The following FUT8 variants were observed in gnomAD, a reference collection of about 807,000 sequenced individuals.
FUT8 encodes the protein fucosyltransferase 8, also known as alpha-(1,6)-fucosyltransferase.
A neutral mutation model predicts 71.3 loss-of-function variants in FUT8; 29 were observed. That is an observed-to-expected ratio of 0.41 (90% CI 0.30 to 0.55). FUT8 has a LOEUF of 0.55. Among genes scored for constraint, FUT8 ranks in the 20% least tolerant of loss-of-function variants. FUT8 has a pLI of 0.34. For missense variants in FUT8, 544 were observed against 702.1 expected, an observed-to-expected ratio of 0.77 and a Z score of 2.55; for synonymous variants, 254 against 239.3, an observed-to-expected ratio of 1.06 and a Z score of -0.57.
At chr14:65,454,120 C>T (rs910755017) in intron 1 of FUT8, among the ~76,000 whole-genome samples, 7 of 152,154 alleles carry the variant, frequency 4.6e-5, no homozygotes, top group African/African-American at 9.7e-5. Context: ...AATCTGTTAC[C>T]AGTTATTCCA....
At chr14:65,678,407 A>G (rs1892870906) in intron 7 of FUT8, among the ~76,000 whole-genome samples, 1 of 152,218 alleles carries the variant, frequency 6.6e-6, no homozygotes, top group African/African-American at 2.4e-5. Flanking sequence ...CATCAAAAAT[A>G]TGCTCCTAAT....
chr14:65,669,400 C>T lies in FUT8; in HGVS notation c.755C>T (p.Thr252Ile), dbSNP rs1224769677. 12 of 1,613,762 alleles carry T rather than the reference C, an allele frequency of 7.4e-6. No homozygotes were observed. Among genetic ancestry groups the T allele is most frequent in the Non-Finnish European group, 1.0e-5 (12 of 1,179,830 alleles). Residue 252 changes from threonine to isoleucine, a missense_variant, in exon 7 of 11, where the codon ACT (threonine) becomes ATT (isoleucine). Physicochemically the swap from Thr to Ile is moderately conservative, Grantham distance 89. Coordinates refer to ENST00000673929, the MANE Select transcript of FUT8 (RefSeq NM_001371533.1). The surrounding 1 kb of genome is among the most constrained non-coding windows in gnomAD (Gnocchi z 4.5). Reference sequence around the variant, plus strand: ...GAATCTCAGAATTGGCGCTATGCTACTGGTGGATGGGAGACTGTATTTAGG... The same window carrying T: ...GAATCTCAGAATTGGCGCTATGCTATTGGTGGATGGGAGACTGTATTTAGG... ...ILESQNWRYA[T>I]GGWETVFRPV...
intron 5 of FUT8, among the ~76,000 whole-genome samples, chr14:65,625,717 C>T (rs898411556): frequency 6.6e-6 from 1 of 152,174 alleles, no homozygotes; most frequent in Non-Finnish European, 1.5e-5. Context: ...TCCAAAGCAT[C>T]GTTCAAAGTT....
At chr14:65,567,993 C>T (rs924548079) in intron 3 of FUT8, among the ~76,000 whole-genome samples, 5 of 151,736 alleles carry the variant, frequency 3.3e-5, no homozygotes, top group Non-Finnish European at 7.4e-5. Flanking sequence ...TATTATAATT[C>T]TACCAGTGAA....
In FUT8 at chr14:65,593,109, C is replaced by G. The variant is rs35422847; in HGVS notation, c.204-22869C>G. ...AGGCTCTAATGATGTTTATAATCCC[C>G]AACATAATTCTATAGGATTTCCAGT... is the stretch of plus-strand genomic sequence containing the variant. On this transcript the variant is annotated intron_variant, in intron 3 of 10. Transcript: ENST00000673929. Among the ~76,000 whole-genome samples, 1,107 of 152,214 alleles carry G rather than the reference C, an allele frequency of 7.3e-3. 10 individuals are homozygous for G. The highest frequency in any genetic ancestry group is 0.012 in the Non-Finnish European group (807 of 68,006).
chr14:65,604,334 G>T lies in FUT8; in HGVS notation c.204-11644G>T, dbSNP rs543453608. 1.3e-5 allele frequency among the ~76,000 whole-genome samples: 2 copies of T among 151,716 alleles called. 1 individual carries two copies. Among genetic ancestry groups the T allele is most frequent in the African/African-American group, 4.8e-5 (2 of 41,370 alleles). ...ATCAGCGCATGGAACTTTCTCCAAG[G>T]TAGACCATTTGATAGGCCACAAAAC... On this transcript the variant is annotated intron_variant, in intron 3 of 10. Transcript: ENST00000673929.
chr14:65,590,922 A>G (rs193189764), intron 3 of FUT8, among the ~76,000 whole-genome samples: 93 of 152,258 alleles, frequency 6.1e-4, no homozygotes, highest in African/African-American at 2.1e-3. Context: ...TTGTCATTTC[A>G]TTGTTGGGGA....
At chr14:65,633,723 G>A (rs1890353728) in intron 6 of FUT8, among the ~76,000 whole-genome samples, 1 of 151,814 alleles carries the variant, frequency 6.6e-6, no homozygotes, top group Non-Finnish European at 1.5e-5. Flanking sequence ...CATCTGAGAA[G>A]TGAGGAGACC....
intron 10 of FUT8, among the ~76,000 whole-genome samples, chr14:65,733,604 A>G (rs1594949026): frequency 6.6e-6 from 1 of 152,230 alleles, no homozygotes; most frequent in South Asian, 2.1e-4. Flanking sequence ...ATGGTTGACT[A>G]CATCTCCACT....
chr14:65,638,047 T>C lies in FUT8; in HGVS notation c.597+8441T>C, dbSNP rs1370039575. ...AGTTAACAACATTTAGGTTGATTTA[T>C]TGCACCTGCGCCTAAGTTGGGTCAG... On this transcript the variant is annotated intron_variant, in intron 6 of 10. Transcript: ENST00000673929. The surrounding 1 kb of genome is among the most constrained non-coding windows in gnomAD (Gnocchi z 4.5). 1.3e-5 allele frequency among the ~76,000 whole-genome samples: 2 copies of C among 152,206 alleles called. No homozygotes were observed. Among genetic ancestry groups the C allele is most frequent in the Non-Finnish European group, 2.9e-5 (2 of 68,034 alleles).
the FUT8 span, among the ~76,000 whole-genome samples, chr14:65,358,197 A>G: frequency 3.9e-5 from 6 of 152,228 alleles, no homozygotes; most frequent in African/African-American, 7.2e-5. Context: ...TTTGAGTATT[A>G]TTACAAAGAA....
At chr14:65,422,907 C>G (rs1387106314) in intron 1 of FUT8, among the ~76,000 whole-genome samples, 1 of 152,074 alleles carries the variant, frequency 6.6e-6, no homozygotes, top group Admixed American at 6.6e-5. Context: ...ATCCTCCTGC[C>G]TCATCTTCCC....
At chr14:65,649,713 T>A (rs1891274329) in intron 6 of FUT8, among the ~76,000 whole-genome samples, 1 of 152,244 alleles carries the variant, frequency 6.6e-6, no homozygotes, top group Non-Finnish European at 1.5e-5. Flanking sequence ...TTCAAATAAA[T>A]GTTATATTTT....
intron 3 of FUT8, among the ~76,000 whole-genome samples, chr14:65,573,617 G>A (rs910336432): frequency 6.6e-6 from 1 of 151,944 alleles, no homozygotes; most frequent in African/African-American, 2.4e-5. Flanking sequence ...TAGCTGCTAG[G>A]AAAGCTGAGG....
intron 5 of FUT8, among the ~76,000 whole-genome samples, chr14:65,629,192 G>A (rs557147944): frequency 3.3e-5 from 5 of 152,314 alleles, no homozygotes; most frequent in East Asian, 1.9e-4. Context: ...TTTGCTTTGC[G>A]TATTCACTTT....
upstream of FUT8, among the ~76,000 whole-genome samples, chr14:65,408,252 G>T (rs552712790): frequency 2.9e-4 from 44 of 152,202 alleles, no homozygotes; most frequent in African/African-American, 9.4e-4. Flanking sequence ...CTGGTCTTGA[G>T]TCTGGAGAAG....
Position 65,590,121 on chromosome 14 carries a change from G to T in FUT8, c.204-25857G>T, listed in dbSNP as rs562631501. Among the ~76,000 whole-genome samples the T allele has an allele frequency of 1.3e-4, 20 of 152,120 alleles. No homozygotes were observed. The South Asian group carries it at 4.1e-3, about 32-fold the overall frequency. On this transcript the variant is annotated intron_variant, in intron 3 of 10. Transcript: ENST00000673929. The stretch of plus-strand genomic sequence containing the variant: ...GTAATTTCCTAGCATTTTTTTTGTT[G>T]AGAGCTCTGATTACTTGATTTTGTC...
At chr14:65,728,819 TG>T (rs903717075) in intron 9 of FUT8, among the ~76,000 whole-genome samples, 11 of 152,246 alleles carry the variant, frequency 7.2e-5, no homozygotes, top group African/African-American at 2.6e-4. Flanking sequence ...AGCCTAGGTG[TG>T]GTATAGTTGG....
At chr14:65,648,381 G>A (rs545263580) in intron 6 of FUT8, among the ~76,000 whole-genome samples, 2 of 152,224 alleles carry the variant, frequency 1.3e-5, no homozygotes, top group Middle Eastern at 3.4e-3. Context: ...AGCTTTCTGA[G>A]CATATGCCTT....
Sources: allele counts gnomAD v4.1 joint callset (sites outside exome capture counted in the v4.1 genomes callset), GRCh38; gene constraint gnomAD v4.1.1; non-coding constraint Gnocchi (gnomAD v3.1); transcripts MANE v1.5; gene names NCBI Gene and HGNC (gene_info 2026-07-23, HGNC 2026-07-21).